Variants in SUMF1 observed in about 807,000 individuals in gnomAD.
SUMF1 encodes the protein sulfatase modifying factor 1.
A neutral mutation model predicts 47.6 loss-of-function variants in SUMF1; 48 were observed. The ratio of observed to expected loss-of-function variants is 1.01; its 90% CI spans 0.80 to 1.28. The LOEUF (loss-of-function observed/expected upper bound fraction) is 1.28, where lower values mean the gene tolerates loss of function less well. Ranked by LOEUF, SUMF1 falls within the 50% of genes most tolerant of loss-of-function variation. The pLI is 0.00. For missense variants in SUMF1, 571 were observed against 485.4 expected (o/e 1.18, Z -1.66); for synonymous variants, 230 against 192.1 (o/e 1.20, Z -1.63).
intron 8 of SUMF1, among the ~76,000 whole-genome samples, chr3:4,155,610 T>C (rs187975627): frequency 1.1e-3 from 161 of 151,566 alleles, no homozygotes; most frequent in Non-Finnish European, 1.1e-3. Context: ...TTCAGATCAG[T>C]TCTATGATGT....
intron 8 of SUMF1, among the ~76,000 whole-genome samples, chr3:4,266,992 T>G (rs1275428078): frequency 6.6e-6 from 1 of 152,164 alleles, no homozygotes; most frequent in Admixed American, 6.5e-5. Flanking sequence ...TCATGTGGTT[T>G]TTGTCTTTGG....
intron 3 of SUMF1, among the ~76,000 whole-genome samples, chr3:4,441,020 G>C (rs1311038798): frequency 2.0e-5 from 3 of 151,872 alleles, no homozygotes; most frequent in Admixed American, 6.6e-5. Flanking sequence ...TATAGCAAGG[G>C]TCCCCAACCC....
At chr3:4,295,282 G>A (rs1487425550) in intron 8 of SUMF1, among the ~76,000 whole-genome samples, 1 of 152,046 alleles carries the variant, frequency 6.6e-6, no homozygotes, top group Non-Finnish European at 1.5e-5. Flanking sequence ...TAGTCTCTAA[G>A]AAGGATTCCA....
chr3:4,132,515 G>T (rs997630640), intron 8 of SUMF1, among the ~76,000 whole-genome samples: 1 of 152,040 alleles, frequency 6.6e-6, no homozygotes, highest in Non-Finnish European at 1.5e-5. Flanking sequence ...GGATTCATCG[G>T]TCCAGGTATC....
intron 8 of SUMF1, among the ~76,000 whole-genome samples, chr3:4,123,554 A>G (rs1693591806): frequency 6.6e-6 from 1 of 152,160 alleles, no homozygotes; most frequent in South Asian, 2.1e-4. Flanking sequence ...TATGAAACAC[A>G]TGTATTGTAC....
At chr3:4,053,599 G>T (rs1255561622) in intron 9 of SUMF1, among the ~76,000 whole-genome samples, 1 of 152,142 alleles carries the variant, frequency 6.6e-6, no homozygotes, top group East Asian at 1.9e-4. Flanking sequence ...TTAGAAGGTG[G>T]TCCAGAATCC....
chr3:4,293,633 T>C (rs966780240), intron 8 of SUMF1, among the ~76,000 whole-genome samples: 1 of 152,184 alleles, frequency 6.6e-6, no homozygotes, highest in Admixed American at 6.6e-5. Context: ...AACATTCGAA[T>C]GTCACAAAGC....
At chr3:4,417,104 T>A (rs941251218) in intron 6 of SUMF1, 24 bp downstream of exon 6, 1 of 1,609,422 alleles carries the variant, frequency 6.2e-7, no homozygotes, top group Non-Finnish European at 8.5e-7. Flanking sequence ...GCTGCCACCC[T>A]CCTGCAGAGG....
chr3:4,370,587 C>T (rs1371718562), intron 8 of SUMF1, among the ~76,000 whole-genome samples: 1 of 152,096 alleles, frequency 6.6e-6, no homozygotes, highest in East Asian at 1.9e-4. Context: ...GCCCAAAGCA[C>T]TGGGTTGAGG....
At chr3:4,304,019 C>G (rs1698071681) in intron 8 of SUMF1, 2 of 307,562 alleles carry the variant, frequency 6.5e-6, no homozygotes, top group Non-Finnish European at 1.2e-5. Flanking sequence ...AGTCTTCCAG[C>G]GTACAGTGGA....
chr3:4,361,915 A>T lies in SUMF1; in HGVS notation c.*229T>A. On this transcript the variant is annotated 3_prime_UTR_variant, in exon 9 of 9. Transcript: ENST00000272902. Reference sequence around the variant, plus strand: ...CTCCCCTTCCTCTTTAAAGACTCTCAAAAGTAAAATATGGTGATGATCTCC... The same window carrying T: ...CTCCCCTTCCTCTTTAAAGACTCTCTAAAGTAAAATATGGTGATGATCTCC... 1 of 535,750 alleles carries T rather than the reference A, an allele frequency of 1.9e-6. No homozygotes were observed. Among genetic ancestry groups the T allele is most frequent in the Non-Finnish European group, 3.4e-6 (1 of 295,954 alleles). The allele number at this position is 535,750 out of a possible 1,614,324, so 33.2% of individuals were successfully genotyped here.
At chr3:4,125,731 G>A (rs1235013716) in intron 8 of SUMF1, among the ~76,000 whole-genome samples, 1 of 152,146 alleles carries the variant, frequency 6.6e-6, no homozygotes, top group Non-Finnish European at 1.5e-5. Flanking sequence ...CTAGAGTGCG[G>A]TGGCATGCTC....
chr3:4,258,630 T>A (rs1402412289), intron 8 of SUMF1, among the ~76,000 whole-genome samples: 3 of 151,976 alleles, frequency 2.0e-5, no homozygotes, highest in Admixed American at 6.6e-5. Context: ...CTTGAGAGGA[T>A]GTGGAGAAAT....
chr3:4,462,644 T>A (rs1228045720), intron 1 of SUMF1, among the ~76,000 whole-genome samples: 1 of 152,222 alleles, frequency 6.6e-6, no homozygotes, highest in Non-Finnish European at 1.5e-5. Flanking sequence ...TTCTTTCCTC[T>A]CCTCAACCTT....
intron 8 of SUMF1, among the ~76,000 whole-genome samples, chr3:4,320,729 G>A (rs758855409): frequency 1.4e-4 from 22 of 152,162 alleles, no homozygotes; most frequent in Non-Finnish European, 2.8e-4. Flanking sequence ...AATCTCCTCT[G>A]GTGATAAATC....
downstream of SUMF1, among the ~76,000 whole-genome samples, chr3:4,358,563 CCTT>C (rs1451042910): frequency 2.6e-5 from 4 of 152,076 alleles, no homozygotes; most frequent in East Asian, 7.7e-4. Context: ...CAGGCACAAA[CCTT>C]CTCATAATTT....
At chr3:4,382,972 T>C (rs1700556516) in intron 7 of SUMF1, among the ~76,000 whole-genome samples, 1 of 151,836 alleles carries the variant, frequency 6.6e-6, no homozygotes, top group South Asian at 2.1e-4. Flanking sequence ...CTAATGTAGG[T>C]GACGGGTTGA....
Position 4,431,580 on chromosome 3 carries a change from G to A in SUMF1, c.520-11434C>T, listed in dbSNP as rs184349866. Among the ~76,000 whole-genome samples the A allele has an allele frequency of 4.3e-3, 651 of 152,274 alleles. 3 individuals carry two copies. The highest frequency in any genetic ancestry group is 0.017 in the Middle Eastern group (5 of 294). On this transcript the variant is annotated intron_variant, in intron 3 of 8. Coordinates refer to ENST00000272902, the MANE Select transcript of SUMF1 (RefSeq NM_182760.4). ...CGCCCTCCTCACTCTTTGATTGTCA[G>A]CATATCCTCATTCTTCTTGGATGTG...
chr3:4,252,880 A>AC (rs1190164936), intron 8 of SUMF1, among the ~76,000 whole-genome samples: 1 of 152,156 alleles, frequency 6.6e-6, no homozygotes, highest in Admixed American at 6.5e-5. Flanking sequence ...ACAAAAATGC[A>AC]CCCTAAAACA....
Sources: allele counts gnomAD v4.1 joint callset (sites outside exome capture counted in the v4.1 genomes callset), GRCh38; gene constraint gnomAD v4.1.1; transcripts MANE v1.5; gene names NCBI Gene and HGNC (gene_info 2026-07-23, HGNC 2026-07-21).